SLC13A3: variants seen among roughly 807,000 people sequenced by gnomAD.
The protein encoded by SLC13A3 is solute carrier family 13 member 3, also known as Na(+)/dicarboxylate cotransporter 3.
Under a neutral mutation model 59.0 loss-of-function variants are expected in SLC13A3, and 40 were observed. That is an observed-to-expected ratio of 0.68 (90% CI 0.53 to 0.88). The LOEUF (loss-of-function observed/expected upper bound fraction) is 0.88. Ranked by LOEUF, SLC13A3 falls within the 40% of genes least tolerant of loss-of-function variation. The probability of loss-of-function intolerance (pLI) is 0.00; values close to 1 mark genes in which losing one functional copy is unlikely to be tolerated. For missense variants in SLC13A3, 699 were observed against 783.2 expected (o/e 0.89, Z 1.28); for synonymous variants, 317 against 330.3 (o/e 0.96, Z 0.44).
chr20:46,640,777 T>A (rs1172613671), intron 1 of SLC13A3, among the ~76,000 whole-genome samples: 2 of 152,192 alleles, frequency 1.3e-5, no homozygotes, highest in East Asian at 3.9e-4. Context: ...GGGCCAGGTC[T>A]GCCCCTAGCT....
At chr20:46,584,630 A>T (rs563929941) in intron 8 of SLC13A3, 14 of 410,824 alleles carry the variant, frequency 3.4e-5, no homozygotes, top group Middle Eastern at 1.2e-3. Context: ...AACAGGCAAG[A>T]CTTGAAAAGG....
At chr20:46,639,563 C>T (rs939753966) in intron 1 of SLC13A3, among the ~76,000 whole-genome samples, 1 of 152,182 alleles carries the variant, frequency 6.6e-6, no homozygotes, top group East Asian at 1.9e-4. Context: ...TAGTTCTTGT[C>T]TCCATAAACT....
intron 9 of SLC13A3, chr20:46,582,584 C>T (rs2062149653): frequency 1.0e-6 from 1 of 965,766 alleles, no homozygotes. Context: ...GCCTGGGTGA[C>T]AGAGTGAGAC....
At chr20:46,656,119 A>G (rs1358664691), upstream of SLC13A3, among the ~76,000 whole-genome samples, 3 of 142,124 alleles carry the variant, frequency 2.1e-5, no homozygotes, top group Non-Finnish European at 3.0e-5. Flanking sequence ...TATACTGTAT[A>G]TAATATACCA....
intron 9 of SLC13A3, among the ~76,000 whole-genome samples, chr20:46,580,290 C>A (rs2062122669): frequency 6.6e-6 from 1 of 151,926 alleles, no homozygotes. Flanking sequence ...GCTGTTGTCT[C>A]CCTTTGTATA....
chr20:46,583,166 T>C (rs2062155481), intron 9 of SLC13A3: 12 of 735,680 alleles, frequency 1.6e-5, no homozygotes, highest in African/African-American at 1.9e-5. Context: ...TAGGTACTTA[T>C]ATAACTAAAG....
chr20:46,594,734 CTT>C (rs112750360), intron 5 of SLC13A3, among the ~76,000 whole-genome samples: 27 of 143,110 alleles, frequency 1.9e-4, no homozygotes, highest in African/African-American at 2.3e-4. Context: ...CCCACAACTT[CTT>C]TTTTTTTTTT....
intron 1 of SLC13A3, among the ~76,000 whole-genome samples, chr20:46,629,807 CAATTTTTA>C (rs2062719534): frequency 6.6e-6 from 1 of 152,156 alleles, no homozygotes; most frequent in African/African-American, 2.4e-5. Context: ...TGTAGGCAGG[CAATTTTTA>C]AAATACATTT....
chr20:46,612,607 CAA>C (rs3086509), intron 2 of SLC13A3, among the ~76,000 whole-genome samples: 28,951 of 148,966 alleles, frequency 0.19, 2,963 homozygotes, highest in East Asian at 0.42. Flanking sequence ...TGTCTGTGTT[CAA>C]AAAAAAAAAA....
chr20:46,613,373 A>G (rs2062520886), intron 2 of SLC13A3, 87 bp downstream of exon 2: 1 of 1,198,134 alleles, frequency 8.3e-7, no homozygotes, highest in South Asian at 3.3e-5. Flanking sequence ...GGCCTGGACG[A>G]GTAAATCAAG....
chr20:46,601,409 T>C (rs550362095), intron 3 of SLC13A3, among the ~76,000 whole-genome samples: 1 of 152,212 alleles, frequency 6.6e-6, no homozygotes, highest in East Asian at 1.9e-4. Context: ...AGATAAGAGC[T>C]TGGTGCAACT....
intron 1 of SLC13A3, among the ~76,000 whole-genome samples, chr20:46,629,754 A>G (rs2062718790): frequency 6.6e-6 from 1 of 151,564 alleles, no homozygotes; most frequent in Non-Finnish European, 1.5e-5. Flanking sequence ...CTGCTTCTTA[A>G]TCTCTCTTCT....
intron 1 of SLC13A3, among the ~76,000 whole-genome samples, chr20:46,636,208 T>TC (rs1336614975): frequency 6.6e-6 from 1 of 152,218 alleles, no homozygotes; most frequent in Non-Finnish European, 1.5e-5. Context: ...TTGCACAAGA[T>TC]CCAAGGACCC....
intron 8 of SLC13A3, 124 bp from the exon 9 acceptor site, chr20:46,583,793 G>T: frequency 6.7e-7 from 1 of 1,491,568 alleles, no homozygotes; most frequent in Non-Finnish European, 8.9e-7. Context: ...ATTGTTGGAG[G>T]CTGGGCCACT....
chr20:46,623,097 A>G (rs894355458), intron 1 of SLC13A3, among the ~76,000 whole-genome samples: 18 of 152,192 alleles, frequency 1.2e-4, no homozygotes, highest in African/African-American at 4.3e-4. Flanking sequence ...AACACTTCCC[A>G]ATTCATTTTA....
At chr20:46,560,325 C>A in intron 12 of SLC13A3, 127 bp from the exon 13 acceptor site, 3 of 849,940 alleles carry the variant, frequency 3.5e-6, no homozygotes, top group South Asian at 3.2e-5. Context: ...GGAGCCAGGA[C>A]ACAGACCCAG....
chr20:46,560,003 G>T lies in SLC13A3; in HGVS notation c.*19C>A. On this transcript the variant is annotated 3_prime_UTR_variant, in exon 13 of 13. Coordinates refer to ENST00000279027, the MANE Select transcript of SLC13A3 (RefSeq NM_022829.6). ...GCCCTTTGAGAGGGTTCAGCCTCAA[G>T]GGAGTCCTCCAGGGGGACTCAGAGG... 1 of 1,610,912 alleles carries T rather than the reference G, an allele frequency of 6.2e-7. No homozygotes were observed. Among genetic ancestry groups the T allele is most frequent in the South Asian group, 1.1e-5 (1 of 90,884 alleles).
intron 8 of SLC13A3, chr20:46,584,601 G>C (rs1178228357): frequency 3.2e-6 from 2 of 628,854 alleles, no homozygotes; most frequent in African/African-American, 2.0e-5. Context: ...AAACACTAAT[G>C]GTATACCATT....
At chr20:46,589,298 T>A (rs760107086) in intron 6 of SLC13A3, 43 bp from the exon 7 acceptor site, 3 of 1,547,646 alleles carry the variant, frequency 1.9e-6, no homozygotes, top group East Asian at 2.2e-5. Flanking sequence ...ACTGCAGGTA[T>A]AACTAACTTC....
Sources: allele counts gnomAD v4.1 joint callset (sites outside exome capture counted in the v4.1 genomes callset), GRCh38; gene constraint gnomAD v4.1.1; transcripts MANE v1.5; gene names NCBI Gene and HGNC (gene_info 2026-07-23, HGNC 2026-07-21).